The following GIMAP8 variants were observed in gnomAD, a reference collection of about 807,000 sequenced individuals.
GIMAP8 encodes GTPase, IMAP family member 8, also known as GTPase IMAP family member 8.
Under a neutral mutation model 35.6 loss-of-function variants are expected in GIMAP8, and 29 were observed. The ratio of observed to expected loss-of-function variants is 0.81; its 90% CI spans 0.61 to 1.11. The LOEUF (loss-of-function observed/expected upper bound fraction) is 1.11, where lower values mean the gene tolerates loss of function less well. Among genes scored for constraint, GIMAP8 ranks in the 50% most tolerant of loss-of-function variants. The pLI is 0.00. For synonymous variants in GIMAP8, 335 were observed against 308.7 expected, an observed-to-expected ratio of 1.09 and a Z score of -0.89; for missense variants, 811 against 805.0, an observed-to-expected ratio of 1.01 and a Z score of -0.09.
intron 2 of GIMAP8, 148 bp downstream of exon 2, chr7:150,467,482 G>T (rs1396486603): frequency 1.5e-6 from 1 of 689,312 alleles, no homozygotes; most frequent in Non-Finnish European, 2.4e-6. Context: ...AGGAATAAGA[G>T]GTATCAGATT....
intron 1 of GIMAP8, among the ~76,000 whole-genome samples, chr7:150,456,919 A>G (rs1416948624): frequency 6.6e-6 from 1 of 152,242 alleles, no homozygotes; most frequent in Non-Finnish European, 1.5e-5. Context: ...TCATGATAAA[A>G]ACAGAATTTT....
intron 3 of GIMAP8, 116 bp downstream of exon 3, chr7:150,470,990 C>T: frequency 5.1e-6 from 4 of 790,264 alleles, no homozygotes; most frequent in Non-Finnish European, 8.5e-6. Context: ...CCCTGGGGAC[C>T]TAGCTGAGGT....
chr7:150,475,015 A>G (rs949140062), intron 4 of GIMAP8, among the ~76,000 whole-genome samples: 3 of 152,076 alleles, frequency 2.0e-5, no homozygotes, highest in Non-Finnish European at 4.4e-5. Flanking sequence ...GAGAATGATG[A>G]TTTCCAATTT....
chr7:150,467,344 T>G lies in GIMAP8; in HGVS notation c.636+10T>G. ...AGGCAGCAGGTTTCAAGTAAGAATT[T>G]TGTTAATATCTTGAAAGATCTCTAT... On this transcript the variant is annotated intron_variant, in intron 2 of 4. Transcript: ENST00000307271. The G allele has an allele frequency of 2.5e-6, 4 of 1,603,662 alleles. No homozygotes were observed. The highest frequency in any genetic ancestry group is 3.4e-6 in the Non-Finnish European group (4 of 1,173,316).
chr7:150,466,333 A>G (rs1006155254), intron 1 of GIMAP8, among the ~76,000 whole-genome samples: 2 of 152,116 alleles, frequency 1.3e-5, no homozygotes, highest in Admixed American at 6.5e-5. Flanking sequence ...GTATTTTTTA[A>G]ACATCTGACC....
intron 4 of GIMAP8, among the ~76,000 whole-genome samples, chr7:150,475,737 T>C (rs1417880978): frequency 6.6e-6 from 1 of 152,058 alleles, no homozygotes; most frequent in African/African-American, 2.4e-5. Flanking sequence ...TATAGATACA[T>C]GGGAAAGTCA....
rs147438243 is a variant in GIMAP8, at chr7:150,473,173, C to A, written c.683-839C>A. ...AGAGAAAGCTCCCTGCAGTTGCAGA[C>A]TCTCCCTTTTGCTCAGTTCATAGGT... is the stretch of plus-strand genomic sequence containing the variant. On this transcript the variant is annotated intron_variant, in intron 3 of 4. Coordinates refer to ENST00000307271, the MANE Select transcript of GIMAP8 (RefSeq NM_175571.4). Among the ~76,000 whole-genome samples, 567 of 152,264 alleles carry A rather than the reference C, an allele frequency of 3.7e-3. 4 individuals are homozygous for A. Among genetic ancestry groups the A allele is most frequent in the African/African-American group, 0.013 (552 of 41,558 alleles).
Position 150,477,420 on chromosome 7 carries a change from GA to G in GIMAP8, c.1641del (p.Lys547AsnfsTer24). The G allele has an allele frequency of 6.2e-7, 1 of 1,613,914 alleles. No homozygotes were observed. Among genetic ancestry groups the G allele is most frequent in the Non-Finnish European group, 8.5e-7 (1 of 1,179,744 alleles). On this transcript the variant is annotated frameshift_variant, in exon 5 of 5. Coordinates refer to ENST00000307271, the MANE Select transcript of GIMAP8 (RefSeq NM_175571.4). LOFTEE classifies it low-confidence loss of function (END_TRUNC). ...FTEEDKTAVA[K>X]LEAIFGADFT... ...CTGAAGAGGACAAAACAGCTGTGGC[GA>G]AACTGGAGGCCATCTTTGGAGCAGA...
Position 150,460,190 on chromosome 7 carries a change from G to T in GIMAP8, c.-28-6481G>T, listed in dbSNP as rs536049239. On this transcript the variant is annotated intron_variant, in intron 1 of 4. Coordinates refer to ENST00000307271, the MANE Select transcript of GIMAP8 (RefSeq NM_175571.4). ...ATATTGGATGATGTCAGGGGTGGCTGGGGGAAGAGGCTGACTGGGATCCAC... is the reference window on the plus strand; with the variant it reads ...ATATTGGATGATGTCAGGGGTGGCTTGGGGAAGAGGCTGACTGGGATCCAC... 7.9e-4 allele frequency among the ~76,000 whole-genome samples: 120 copies of T among 152,242 alleles called. 1 individual carries two copies. In the South Asian group the frequency reaches 0.024, roughly 30 times the overall value.
At chr7:150,470,768 T>TTTTTTTTTTTG in intron 2 of GIMAP8, 61 bp from the exon 3 acceptor site, 2 of 521,946 alleles carry the variant, frequency 3.8e-6, no homozygotes, top group South Asian at 2.1e-5. Flanking sequence ...TTTTTTTTTT[T>TTTTTTTTTTTG]CAGTTTGTGG....
chr7:150,464,063 T>C (rs183382851), intron 1 of GIMAP8, among the ~76,000 whole-genome samples: 14 of 152,330 alleles, frequency 9.2e-5, no homozygotes, highest in Admixed American at 2.0e-4. Flanking sequence ...GCAGCAGTGA[T>C]AGGCAGGATA....
Position 150,470,845 on chromosome 7 carries a change from C to A in GIMAP8, c.653C>A (p.Ala218Asp). Residue 218 changes from alanine (A) to aspartate (D), a missense_variant, in exon 3 of 5, where the codon GCT (alanine) becomes GAT (aspartate). Coordinates refer to ENST00000307271, the MANE Select transcript of GIMAP8 (RefSeq NM_175571.4). ...ATTTTCTAGGATTGTGTGAATGAAG[C>A]TGCATCTCAAGAGGGAGACAAGCCA... is the stretch of plus-strand genomic sequence containing the variant. ...GSRFQDCVNE[A>D]ASQEGDKPQG... is the part of the protein sequence containing the mutation. The A allele has an allele frequency of 6.3e-7, 1 of 1,591,324 alleles. No individual in the cohort carries two copies. The highest frequency in any genetic ancestry group is 8.6e-7 in the Non-Finnish European group (1 of 1,168,436).
At chr7:150,458,479 C>T (rs188581519) in intron 1 of GIMAP8, among the ~76,000 whole-genome samples, 12 of 152,258 alleles carry the variant, frequency 7.9e-5, no homozygotes, top group South Asian at 4.1e-4. Context: ...TAAATCTTAT[C>T]GCAAAACACC....
In GIMAP8 at chr7:150,470,835, G is replaced by A. The variant is rs760378429; in HGVS notation, c.643G>A (p.Val215Met). ...KTEGSRFQDC[V>M]NEAASQEGDK... Reference sequence around the variant, plus strand: ...TTGTTCCTTTATTTTCTAGGATTGTGTGAATGAAGCTGCATCTCAAGAGGG... The same window carrying A: ...TTGTTCCTTTATTTTCTAGGATTGTATGAATGAAGCTGCATCTCAAGAGGG... Residue 215 changes from valine (V) to methionine (M), a missense_variant, in exon 3 of 5, where the codon GTG (valine) becomes ATG (methionine). Coordinates refer to ENST00000307271, the MANE Select transcript of GIMAP8 (RefSeq NM_175571.4). The A allele has an allele frequency of 2.0e-6, 3 of 1,520,972 alleles. No individual in the cohort carries two copies. The highest frequency in any genetic ancestry group is 3.6e-5 in the Admixed American group (2 of 55,212). 94.2% of individuals were successfully genotyped at this position (1,520,972 alleles called of 1,614,324 possible). A position where few individuals can be genotyped will look rare whatever the true frequency, so the allele number is the denominator to read the frequency against.
chr7:150,452,671 G>A (rs1199812123), intron 1 of GIMAP8, among the ~76,000 whole-genome samples: 36 of 73,280 alleles, frequency 4.9e-4, no homozygotes, highest in African/African-American at 2.1e-3. Context: ...GTGTGTGTGT[G>A]TGAGATATAT....
intron 3 of GIMAP8, among the ~76,000 whole-genome samples, chr7:150,471,602 C>T (rs1468105189): frequency 3.3e-5 from 5 of 152,058 alleles, no homozygotes; most frequent in Admixed American, 6.6e-5. Flanking sequence ...TTTGGGAGGC[C>T]GAGGTGGGTG....
chr7:150,461,870 C>A (rs957462642), intron 1 of GIMAP8, among the ~76,000 whole-genome samples: 3 of 152,170 alleles, frequency 2.0e-5, no homozygotes, highest in Admixed American at 6.5e-5. Flanking sequence ...TCTCACATGT[C>A]CATGTGTAGA....
chr7:150,473,722 T>C (rs1802146639), intron 3 of GIMAP8, among the ~76,000 whole-genome samples: 1 of 151,796 alleles, frequency 6.6e-6, no homozygotes, highest in South Asian at 2.1e-4. Context: ...GTACTTACCT[T>C]TGATAACAAA....
rs747459758 is a variant in GIMAP8 at position 150,474,249 on chromosome 7, C to G, written c.920C>G (p.Ser307Ter). ...TCGATCATTGATGCTCCGGACATCT[C>G]ATCTTTAAAGAACATTGACTCAGAA... ...KVSIIDAPDISSLKNIDSEVR... is the reference protein window; with the variant it reads ...KVSIIDAPDI The change falls in exon 4 of 5, where the codon TCA (serine) becomes TGA (stop). Residue 307 changes from serine (S) to a stop codon, truncating the protein, a stop_gained. Coordinates refer to ENST00000307271, the MANE Select transcript of GIMAP8 (RefSeq NM_175571.4). LOFTEE classifies it high-confidence loss of function. 3 of 1,614,186 alleles carry G rather than the reference C, an allele frequency of 1.9e-6. No individual in the cohort carries two copies. Among genetic ancestry groups the G allele is most frequent in the Admixed American group, 1.7e-5 (1 of 60,018 alleles).
Sources: gnomAD v4.1 joint callset for allele counts (sites outside exome capture counted in the v4.1 genomes callset) on GRCh38, gnomAD v4.1.1 for gene constraint, MANE v1.5 for transcripts, NCBI Gene and HGNC (gene_info 2026-07-23, HGNC 2026-07-21) for gene names.